RABGEF1: variants seen among roughly 807,000 people sequenced by gnomAD.
RABGEF1 encodes rab5 GDP/GTP exchange factor.
In RABGEF1, 26 loss-of-function variants were observed where a neutral mutation model predicts 57.3. That is an observed-to-expected ratio of 0.45 (90% CI 0.33 to 0.63). The LOEUF (loss-of-function observed/expected upper bound fraction) is 0.63. Among genes scored for constraint, RABGEF1 ranks in the 20% least tolerant of loss-of-function variants. RABGEF1 has a pLI of 0.02. For missense variants in RABGEF1, 464 were observed against 607.6 expected (o/e 0.76, Z 2.48); for synonymous variants, 185 against 210.7 (o/e 0.88, Z 1.06).
chr7:66,668,407 A>T, the RABGEF1 span, among the ~76,000 whole-genome samples: 1 of 152,106 alleles, frequency 6.6e-6, no homozygotes, highest in African/African-American at 2.4e-5. Flanking sequence ...CCACTATCCT[A>T]TTTTAGACAT....
chr7:66,788,909 C>T lies in RABGEF1; in HGVS notation c.513+5068C>T, dbSNP rs545794840. On this transcript the variant is annotated intron_variant, in intron 4 of 8. Coordinates refer to ENST00000284957, the MANE Select transcript of RABGEF1 (RefSeq NM_014504.3). ...GGCCAAGGTTGCAGTTAGCCAAGGT[C>T]GCGCCATTGTACTCCAGCCTGGGCA... Among the ~76,000 whole-genome samples the T allele has an allele frequency of 5.3e-5, 8 of 151,936 alleles. No individual in the cohort carries two copies. The East Asian group carries it at 1.4e-3, about 26-fold the overall frequency.
chr7:66,729,858 C>T (rs1562745593), intron 2 of RABGEF1, among the ~76,000 whole-genome samples: 1 of 152,252 alleles, frequency 6.6e-6, no homozygotes, highest in Non-Finnish European at 1.5e-5. Context: ...ATGGCAATGA[C>T]AGCAAATGGC....
intron 2 of RABGEF1, among the ~76,000 whole-genome samples, chr7:66,734,848 C>A (rs1408685155): frequency 6.6e-6 from 1 of 152,140 alleles, no homozygotes; most frequent in Non-Finnish European, 1.5e-5. Flanking sequence ...CGGTTGGTCA[C>A]TCCTGCACAT....
chr7:66,785,734 C>T (rs62464646), intron 4 of RABGEF1, among the ~76,000 whole-genome samples: 6,016 of 152,084 alleles, frequency 0.04, 167 homozygotes, highest in East Asian at 0.084. Flanking sequence ...ATTAGCTGGG[C>T]GTGGTGGCAG....
the RABGEF1 span, among the ~76,000 whole-genome samples, chr7:66,661,813 A>G: frequency 6.6e-6 from 1 of 152,248 alleles, no homozygotes; most frequent in Non-Finnish European, 1.5e-5. Context: ...CAAAGGCACT[A>G]CATGAAAACA....
the RABGEF1 span, among the ~76,000 whole-genome samples, chr7:66,659,325 G>A: frequency 1.3e-5 from 2 of 151,922 alleles, no homozygotes; most frequent in Non-Finnish European, 2.9e-5. Context: ...GGTGGTGGGT[G>A]CCTGTAACCC....
rs1448007993 is a variant in RABGEF1 at position 66,809,458 on chromosome 7, T to A, written c.*174T>A. ...CTAGCAGGGGAACCTTAGTTAATAA[T>A]AAAATACTACTTATTTGAGTTACTG... On this transcript the variant is annotated 3_prime_UTR_variant, in exon 9 of 9. Transcript: ENST00000284957. The A allele has an allele frequency of 3.3e-6, 2 of 608,896 alleles. No individual in the cohort carries two copies. The highest frequency in any genetic ancestry group is 6.9e-5 in the South Asian group (2 of 29,010). 37.7% of individuals were successfully genotyped at this position (608,896 alleles called of 1,614,324 possible).
intron 1 of RABGEF1, among the ~76,000 whole-genome samples, chr7:66,711,730 G>A (rs1225377496): frequency 6.6e-6 from 1 of 152,046 alleles, no homozygotes; most frequent in African/African-American, 2.4e-5. Context: ...GGAACTACAG[G>A]TGCCTGACAC....
chr7:66,683,867 A>C (rs898529791), intron 1 of RABGEF1, among the ~76,000 whole-genome samples: 1 of 152,102 alleles, frequency 6.6e-6, no homozygotes, highest in African/African-American at 2.4e-5. Flanking sequence ...CAACCTCCCG[A>C]GTAGCTGAGA....
Position 66,784,735 on chromosome 7 carries a change from A to G in RABGEF1, c.513+894A>G, listed in dbSNP as rs895637320. 4.6e-5 allele frequency among the ~76,000 whole-genome samples: 7 copies of G among 152,342 alleles called. No individual in the cohort carries two copies. The South Asian group carries it at 1.2e-3, about 27-fold the overall frequency. ...ATTGAATTCAGTTTGTAAAGGAGAA[A>G]AGCTTGCTTTCTCGCCCTTCAGAAA... On this transcript the variant is annotated intron_variant, in intron 4 of 8. Coordinates refer to ENST00000284957, the MANE Select transcript of RABGEF1 (RefSeq NM_014504.3).
chr7:66,660,897 G>A, the RABGEF1 span, among the ~76,000 whole-genome samples: 1 of 152,104 alleles, frequency 6.6e-6, no homozygotes, highest in Middle Eastern at 3.2e-3. Context: ...GACCAATATT[G>A]CTTATGAACA....
chr7:66,795,327 A>G (rs2129171407), intron 4 of RABGEF1, among the ~76,000 whole-genome samples, 184 bp from the exon 5 acceptor site: 1 of 152,356 alleles, frequency 6.6e-6, no homozygotes, highest in East Asian at 1.9e-4. Context: ...AAGTCCGGCA[A>G]CAATGGATAT....
chr7:66,709,133 C>T (rs1794485039), intron 1 of RABGEF1, among the ~76,000 whole-genome samples: 1 of 151,660 alleles, frequency 6.6e-6, no homozygotes, highest in African/African-American at 2.4e-5. Flanking sequence ...TTCTCCTGCC[C>T]AAGTAGCTGG....
intron 6 of RABGEF1, among the ~76,000 whole-genome samples, chr7:66,798,369 A>G (rs1423410139): frequency 6.6e-6 from 1 of 152,038 alleles, no homozygotes. Flanking sequence ...GGGAGAAGGG[A>G]CTCGGAGTCC....
the RABGEF1 span, among the ~76,000 whole-genome samples, chr7:66,665,623 T>A: frequency 6.6e-6 from 1 of 152,142 alleles, no homozygotes; most frequent in Non-Finnish European, 1.5e-5. Flanking sequence ...CTCAGTCTTC[T>A]CCTTTGAAGA....
intron 2 of RABGEF1, among the ~76,000 whole-genome samples, chr7:66,721,208 T>C (rs900384105): frequency 4.6e-4 from 70 of 152,306 alleles, no homozygotes; most frequent in Admixed American, 4.0e-3. Flanking sequence ...CATGAGCCAC[T>C]GTGCCCGGCC....
Position 66,742,852 on chromosome 7 carries a change from C to T in RABGEF1, c.-18+2060C>T, listed in dbSNP as rs190159024. Among the ~76,000 whole-genome samples the T allele has an allele frequency of 2.7e-4, 41 of 152,280 alleles. 1 individual carries two copies. The South Asian group carries it at 2.9e-3, about 11-fold the overall frequency. ...AAACTCCTGCACTCAAGCAATCTTC[C>T]TGCCTCAAGCGTCCCAAGTGCTGAA... On this transcript the variant is annotated intron_variant, in intron 1 of 8. Coordinates refer to ENST00000284957, the MANE Select transcript of RABGEF1 (RefSeq NM_014504.3).
intron 4 of RABGEF1, among the ~76,000 whole-genome samples, chr7:66,793,834 C>G (rs1053813642): frequency 6.6e-6 from 1 of 152,214 alleles, no homozygotes; most frequent in Admixed American, 6.5e-5. Flanking sequence ...GCCAGATGGT[C>G]AGACTGCTGT....
At chr7:66,755,890 T>G in intron 1 of RABGEF1, 1 of 524,346 alleles carries the variant, frequency 1.9e-6, no homozygotes. Flanking sequence ...CATTTGGAAT[T>G]ATTTGTCCAA....
Sources: allele counts gnomAD v4.1 joint callset (sites outside exome capture counted in the v4.1 genomes callset), GRCh38; gene constraint gnomAD v4.1.1; transcripts MANE v1.5; gene names NCBI Gene and HGNC (gene_info 2026-07-23, HGNC 2026-07-21).